Variants in FHIT observed in about 807,000 individuals in gnomAD.
FHIT encodes fragile histidine triad diadenosine triphosphatase, also known as bis(5'-adenosyl)-triphosphatase.
Under a neutral mutation model 17.9 loss-of-function variants are expected in FHIT, and 19 were observed. The ratio of observed to expected loss-of-function variants is 1.06; its 90% CI spans 0.74 to 1.56. FHIT has a LOEUF of 1.56. FHIT is among the 40% of genes most tolerant of loss of function. The probability of loss-of-function intolerance (pLI) is 0.00; values close to 1 mark genes in which losing one functional copy is unlikely to be tolerated. For synonymous variants in FHIT, 81 were observed against 69.7 expected (o/e 1.16, Z -0.81); for missense variants, 248 against 189.2 (o/e 1.31, Z -1.82).
chr3:60,141,014 A>T (rs1451307305), intron 5 of FHIT, among the ~76,000 whole-genome samples: 1 of 152,172 alleles, frequency 6.6e-6, no homozygotes, highest in East Asian at 1.9e-4. Context: ...AAGAAATTCA[A>T]AGTTTTAAGT....
At chr3:61,053,157 G>A (rs980225049) in intron 2 of FHIT, among the ~76,000 whole-genome samples, 3 of 152,164 alleles carry the variant, frequency 2.0e-5, no homozygotes, top group Non-Finnish European at 4.4e-5. Context: ...CCTGAAAAGT[G>A]AGTGGCTGTT....
intron 4 of FHIT, among the ~76,000 whole-genome samples, chr3:60,818,966 C>T (rs562705832): frequency 6.6e-6 from 1 of 151,908 alleles, no homozygotes; most frequent in Non-Finnish European, 1.5e-5. Flanking sequence ...CAGCTCCCCT[C>T]CAGAATCTGT....
At chr3:60,556,356 A>G (rs1226564846) in intron 4 of FHIT, among the ~76,000 whole-genome samples, 2 of 152,228 alleles carry the variant, frequency 1.3e-5, no homozygotes, top group African/African-American at 2.4e-5. Flanking sequence ...AACTATGACA[A>G]ACATGTCTTT....
In FHIT at chr3:60,893,020, AC is replaced by A. The variant is rs1192953485; in HGVS notation, c.-110-71010del. On this transcript the variant is annotated intron_variant, in intron 3 of 9. Coordinates refer to ENST00000492590, the MANE Select transcript of FHIT (RefSeq NM_002012.4). ...TTGATGGGGTTCAGAACATGCTACC[AC>A]AAAACATGGCACCTTGGCATTTTGA... Among the ~76,000 whole-genome samples, 17 of 152,312 alleles carry A rather than the reference AC, an allele frequency of 1.1e-4. No homozygotes were observed. The East Asian group carries it at 2.9e-3, about 26-fold the overall frequency.
intron 2 of FHIT, among the ~76,000 whole-genome samples, chr3:61,123,399 T>C (rs1039483006): frequency 6.6e-6 from 1 of 151,934 alleles, no homozygotes; most frequent in Non-Finnish European, 1.5e-5. Flanking sequence ...ATACCTAATG[T>C]AGATGACAGG....
chr3:61,209,701 T>C (rs1006853983), intron 1 of FHIT, among the ~76,000 whole-genome samples: 1 of 152,234 alleles, frequency 6.6e-6, no homozygotes, highest in Admixed American at 6.5e-5. Context: ...GTTATTCTAG[T>C]TAGCCATTCA....
At chr3:60,574,663 G>A (rs181932789) in intron 4 of FHIT, among the ~76,000 whole-genome samples, 10 of 152,104 alleles carry the variant, frequency 6.6e-5, no homozygotes, top group Admixed American at 3.9e-4. Context: ...ATGGTCCAAC[G>A]TAACACTTTG....
At chr3:61,037,198 A>T (rs2033299222) in intron 3 of FHIT, among the ~76,000 whole-genome samples, 1 of 152,078 alleles carries the variant, frequency 6.6e-6, no homozygotes, top group East Asian at 1.9e-4. Flanking sequence ...GGCGTGAGCC[A>T]CCGTGCCCGG....
At chr3:60,041,450 G>A (rs549269681) in intron 5 of FHIT, among the ~76,000 whole-genome samples, 1 of 152,108 alleles carries the variant, frequency 6.6e-6, no homozygotes, top group Non-Finnish European at 1.5e-5. Context: ...AATAATTACC[G>A]CCAAGGTTGG....
intron 3 of FHIT, among the ~76,000 whole-genome samples, chr3:60,839,634 G>A (rs782801613): frequency 2.6e-5 from 4 of 151,996 alleles, no homozygotes; most frequent in Admixed American, 6.5e-5. Flanking sequence ...GTTCACATTC[G>A]ATGCCCCAGA....
At chr3:60,117,696 C>A (rs1048219077) in intron 5 of FHIT, among the ~76,000 whole-genome samples, 8 of 152,016 alleles carry the variant, frequency 5.3e-5, no homozygotes, top group Non-Finnish European at 1.0e-4. Flanking sequence ...TCCAGATGAA[C>A]AGACGCGCAG....
chr3:60,294,305 T>C (rs762680299), intron 5 of FHIT, among the ~76,000 whole-genome samples: 2 of 152,098 alleles, frequency 1.3e-5, no homozygotes, highest in African/African-American at 4.8e-5. Flanking sequence ...TGAAATGCAT[T>C]TGATGCACTG....
intron 3 of FHIT, among the ~76,000 whole-genome samples, chr3:61,012,703 TA>T (rs1255537202): frequency 6.6e-6 from 1 of 151,368 alleles, no homozygotes; most frequent in South Asian, 2.1e-4. Context: ...TGTTAATATA[TA>T]AAAAATATAA....
intron 5 of FHIT, among the ~76,000 whole-genome samples, chr3:60,258,471 G>A (rs559673957): frequency 1.3e-5 from 2 of 152,204 alleles, no homozygotes; most frequent in Admixed American, 6.5e-5. Context: ...ACTGTCCAGT[G>A]CATTATATCT....
intron 5 of FHIT, among the ~76,000 whole-genome samples, chr3:60,053,547 C>A (rs756036028): frequency 1.2e-4 from 18 of 151,710 alleles, no homozygotes; most frequent in Non-Finnish European, 2.2e-4. Context: ...AGAGAAAGAG[C>A]CACACAAGTT....
At chr3:60,243,419 T>A (rs139612158) in intron 5 of FHIT, among the ~76,000 whole-genome samples, 1 of 152,214 alleles carries the variant, frequency 6.6e-6, no homozygotes, top group Non-Finnish European at 1.5e-5. Context: ...GACAAATTAG[T>A]ATTGTCAAGA....
chr3:60,360,233 A>G (rs1375599324), intron 5 of FHIT, among the ~76,000 whole-genome samples: 1 of 152,106 alleles, frequency 6.6e-6, no homozygotes, highest in African/African-American at 2.4e-5. Flanking sequence ...GGGTGGGGCA[A>G]GAAAATTTTT....
intron 2 of FHIT, among the ~76,000 whole-genome samples, chr3:61,083,568 C>T (rs1225815189): frequency 1.3e-5 from 2 of 152,098 alleles, no homozygotes; most frequent in Non-Finnish European, 2.9e-5. Flanking sequence ...CCAGCCTGGG[C>T]GACAGCGAGA....
intron 5 of FHIT, among the ~76,000 whole-genome samples, chr3:60,283,193 A>G (rs1234243130): frequency 2.0e-5 from 3 of 152,104 alleles, no homozygotes; most frequent in Non-Finnish European, 4.4e-5. Flanking sequence ...GGAAATCTGG[A>G]AAGAACTGAT....
Sources: gnomAD v4.1 joint callset for allele counts (sites outside exome capture counted in the v4.1 genomes callset) on GRCh38, gnomAD v4.1.1 for gene constraint, MANE v1.5 for transcripts, NCBI Gene and HGNC (gene_info 2026-07-23, HGNC 2026-07-21) for gene names.